The following COIL variants were observed in gnomAD, a reference collection of about 807,000 sequenced individuals.
COIL encodes coilin p80.
A neutral mutation model predicts 51.6 loss-of-function variants in COIL; 28 were observed. The ratio of observed to expected loss-of-function variants is 0.54; its 90% CI spans 0.40 to 0.74. COIL has a LOEUF of 0.74. COIL is among the 30% of genes least tolerant of loss of function. The pLI, the probability that COIL is intolerant of heterozygous loss-of-function variation, is 0.00. For synonymous variants in COIL, 233 were observed against 255.8 expected (o/e 0.91, Z 0.85); for missense variants, 667 against 685.9 (o/e 0.97, Z 0.31).
intron 1 of COIL, chr17:56,952,363 C>T (rs944841573): frequency 1.6e-5 from 7 of 436,808 alleles, no homozygotes; most frequent in South Asian, 3.5e-5. Context: ...AGAAGCAAGA[C>T]GAAAACACAT....
intron 1 of COIL, among the ~76,000 whole-genome samples, chr17:56,956,085 C>T (rs1447122961): frequency 2.0e-5 from 3 of 152,112 alleles, no homozygotes; most frequent in Admixed American, 2.0e-4. Flanking sequence ...AGAAATCTGG[C>T]TCTAAGATAT....
rs574773720 is a variant in COIL at position 56,942,061 on chromosome 17, C to G, written c.1621G>C (p.Glu541Gln). The change falls in exon 6 of 7, where the codon GAG becomes CAG. Residue 541 changes from glutamate (E) to glutamine (Q), a missense_variant. Physicochemically the swap from Glu to Gln is conservative, Grantham distance 29. Transcript: ENST00000240316. ...YHNENGAEVV[E>Q]YAVTQESKIT... The stretch of plus-strand genomic sequence containing the variant: ...TTGCTCTCCTGTGTCACAGCGTACT[C>G]CACTACCTCGGCTCCATTTTCATTG... The G allele has an allele frequency of 6.2e-7, 1 of 1,614,156 alleles. No homozygotes were observed. Among genetic ancestry groups the G allele is most frequent in the Admixed American group, 1.7e-5 (1 of 60,030 alleles).
chr17:56,956,926 G>A (rs1340997352), intron 1 of COIL, among the ~76,000 whole-genome samples: 2 of 152,168 alleles, frequency 1.3e-5, no homozygotes, highest in Non-Finnish European at 2.9e-5. Context: ...AGTTAAAAGG[G>A]TCAGGGAAGA....
intron 1 of COIL, chr17:56,951,746 T>C (rs1223743402): frequency 6.5e-6 from 1 of 152,770 alleles, no homozygotes; most frequent in East Asian, 1.9e-4. Context: ...AGGTTCTTAT[T>C]AGGCCGAGCT....
chr17:56,958,151 C>A (rs1450377003), intron 1 of COIL, among the ~76,000 whole-genome samples: 1 of 152,218 alleles, frequency 6.6e-6, no homozygotes, highest in Non-Finnish European at 1.5e-5. Flanking sequence ...CTTCAAGGTA[C>A]TGCTCAATTC....
chr17:56,940,450 G>A (rs547471131), intron 6 of COIL, among the ~76,000 whole-genome samples: 10 of 152,104 alleles, frequency 6.6e-5, no homozygotes, highest in African/African-American at 2.4e-4. Flanking sequence ...TCTCTGTTTA[G>A]GGCATAGAGA....
At position 56,939,655 on chromosome 17, in the gene COIL, G is replaced by A. The variant is rs142791604; in HGVS notation, c.1648-501C>T. Among the ~76,000 whole-genome samples, 1,203 of 152,116 alleles carry A rather than the reference G, an allele frequency of 7.9e-3. 19 individuals are homozygous for A. The highest frequency in any genetic ancestry group is 0.028 in the African/African-American group (1,154 of 41,492). ...CTCGGAAGGCTGAGTCAGGAGAATC[G>A]CTTGAACCCAGTAGGTGGAGGTTGC... On this transcript the variant is annotated intron_variant, in intron 6 of 6. Transcript: ENST00000240316.
chr17:56,938,317 A>G lies in COIL; in HGVS notation c.*754T>C, dbSNP rs765204180. 1 of 152,252 alleles carries G rather than the reference A, an allele frequency of 6.6e-6. No homozygotes were observed. The allele number at this position is 152,252 out of a possible 1,614,324, so 9.4% of individuals were successfully genotyped here. ...GGCCATTTTAGCTTCGTAGTGAATA[A>G]TAACAGAAAAGGAAGTTTCTGTTCA... is the stretch of plus-strand genomic sequence containing the variant. On this transcript the variant is annotated 3_prime_UTR_variant, in exon 7 of 7. Coordinates refer to ENST00000240316, the MANE Select transcript of COIL (RefSeq NM_004645.3).
rs548249685 is a variant in COIL at position 56,946,896 on chromosome 17, C to A, written c.1489-385G>T. On this transcript the variant is annotated intron_variant, in intron 4 of 6. Coordinates refer to ENST00000240316, the MANE Select transcript of COIL (RefSeq NM_004645.3). ...GAGCACTGACCATCACAGCATTCATCAGGAGAGACTAGATATATCCTAATG... is the reference window on the plus strand; with the variant it reads ...GAGCACTGACCATCACAGCATTCATAAGGAGAGACTAGATATATCCTAATG... Among the ~76,000 whole-genome samples the A allele has an allele frequency of 2.6e-5, 4 of 152,328 alleles. No homozygotes were observed. In the South Asian group the frequency reaches 8.3e-4, roughly 32 times the overall value.
intron 1 of COIL, among the ~76,000 whole-genome samples, chr17:56,956,779 GAC>G (rs1466189507): frequency 6.6e-6 from 1 of 152,016 alleles, no homozygotes; most frequent in Non-Finnish European, 1.5e-5. Context: ...TTTTTCTGTA[GAC>G]ATGGGGTTTC....
rs1312267008 is a variant in COIL, at chr17:56,960,882, G to C, written c.138C>G (p.Arg46=). The C allele has an allele frequency of 6.2e-7, 1 of 1,614,206 alleles. No homozygotes were observed. Among genetic ancestry groups the C allele is most frequent in the South Asian group, 1.1e-5 (1 of 91,072 alleles). Residue 46 remains arginine (R), a synonymous_variant, in exon 1 of 7, where the codon CGC becomes CGG. Coordinates refer to ENST00000240316, the MANE Select transcript of COIL (RefSeq NM_004645.3). ...CCCCAGAACTGAAGCCGAAGCGCTGGCGGATGAGACTAATGAGATCTGTGA... is the reference window on the plus strand; with the variant it reads ...CCCCAGAACTGAAGCCGAAGCGCTGCCGGATGAGACTAATGAGATCTGTGA... The part of the protein sequence containing the change: ...RVVTDLISLI[R]QRFGFSSGAF...
intron 6 of COIL, among the ~76,000 whole-genome samples, chr17:56,939,357 G>A (rs1393182808): frequency 6.6e-6 from 1 of 152,258 alleles, no homozygotes; most frequent in East Asian, 1.9e-4. Context: ...CAATTTGGAA[G>A]GCCGAGGGGG....
At chr17:56,944,252 G>T (rs781381272) in intron 5 of COIL, among the ~76,000 whole-genome samples, 1 of 152,086 alleles carries the variant, frequency 6.6e-6, no homozygotes, top group Non-Finnish European at 1.5e-5. Flanking sequence ...TCTGTCCACC[G>T]TTCCTAAGAA....
In COIL at chr17:56,950,744, AT is replaced by A; in HGVS notation, c.497del (p.Asn166IlefsTer43). On this transcript the variant is annotated frameshift_variant, in exon 2 of 7. Coordinates refer to ENST00000240316, the MANE Select transcript of COIL (RefSeq NM_004645.3). LOFTEE classifies it high-confidence loss of function. The stretch of plus-strand genomic sequence containing the variant: ...CACCCACTGTGCCACAGGTTGCTTT[AT>A]TTTTTCTCTTGTTTTTTTTGCTGAC... ...QTVSKKNKRK[N>X]KATCGTVGDD... 1 of 1,612,188 alleles carries A rather than the reference AT, an allele frequency of 6.2e-7. No individual in the cohort carries two copies. Among genetic ancestry groups the A allele is most frequent in the Non-Finnish European group, 8.5e-7 (1 of 1,179,484 alleles).
chr17:56,947,602 C>A (rs991592311), intron 4 of COIL, among the ~76,000 whole-genome samples: 7 of 152,118 alleles, frequency 4.6e-5, no homozygotes, highest in African/African-American at 1.7e-4. Flanking sequence ...TCCTGAGTAG[C>A]TGGGGCTACA....
At chr17:56,946,947 T>C (rs946253634) in intron 4 of COIL, among the ~76,000 whole-genome samples, 4 of 152,198 alleles carry the variant, frequency 2.6e-5, no homozygotes, top group African/African-American at 9.7e-5. Flanking sequence ...CTGATGCTTT[T>C]AGAACCCTTC....
intron 6 of COIL, among the ~76,000 whole-genome samples, chr17:56,941,730 T>C (rs932688530): frequency 6.6e-6 from 1 of 152,250 alleles, no homozygotes; most frequent in Non-Finnish European, 1.5e-5. Context: ...TGTAGTTATA[T>C]GCACTTCTCT....
chr17:56,947,395 A>T (rs1353662149), intron 4 of COIL, among the ~76,000 whole-genome samples: 1 of 152,220 alleles, frequency 6.6e-6, no homozygotes, highest in Non-Finnish European at 1.5e-5. Flanking sequence ...AAGCAATTTC[A>T]AAAATCTTCA....
chr17:56,959,048 G>T (rs537699490), intron 1 of COIL, among the ~76,000 whole-genome samples: 22 of 152,100 alleles, frequency 1.4e-4, no homozygotes, highest in Non-Finnish European at 2.8e-4. Context: ...AAGCTTAAAG[G>T]GGGTGGGGGA....
Sources: gnomAD v4.1 joint callset for allele counts (sites outside exome capture counted in the v4.1 genomes callset) on GRCh38, gnomAD v4.1.1 for gene constraint, MANE v1.5 for transcripts, NCBI Gene and HGNC (gene_info 2026-07-23, HGNC 2026-07-21) for gene names.